The following CEP85L variants were observed in gnomAD, a reference collection of about 807,000 sequenced individuals.
CEP85L encodes the protein centrosomal protein 85L.
In CEP85L, 60 loss-of-function variants were observed where a neutral mutation model predicts 100.3. That is an observed-to-expected ratio of 0.60 (90% CI 0.49 to 0.74). The LOEUF (loss-of-function observed/expected upper bound fraction) is 0.74. CEP85L is among the 30% of genes least tolerant of loss of function. The pLI is 0.00. For synonymous variants in CEP85L, 319 were observed against 322.7 expected (o/e 0.99, Z 0.12); for missense variants, 973 against 936.2 (o/e 1.04, Z -0.51).
chr6:118,536,032 T>C (rs1777569777), intron 3 of CEP85L, among the ~76,000 whole-genome samples: 1 of 152,120 alleles, frequency 6.6e-6, no homozygotes, highest in South Asian at 2.1e-4. Context: ...AGGTAAATGT[T>C]TACATATCTC....
At chr6:118,651,634 C>T (rs1775570641), upstream of CEP85L, 1 of 975,676 alleles carries the variant, frequency 1.0e-6, no homozygotes, top group Non-Finnish European at 1.2e-6. Context: ...GCTGGGGCCG[C>T]GAGGGGGCGG....
chr6:118,681,322 C>A (rs974777514), intron 1 of CEP85L, among the ~76,000 whole-genome samples: 1 of 151,994 alleles, frequency 6.6e-6, no homozygotes, highest in African/African-American at 2.4e-5. Context: ...TTCTCTGGCT[C>A]ATATATAGAA....
Position 118,511,271 on chromosome 6 carries a change from C to G in CEP85L, c.1257+27G>C, listed in dbSNP as rs1358253894. ...ATTAACACAAGCTTTACTACTAAAA[C>G]AGCTACAAAATCCTCTGTAATCTTA... On this transcript the variant is annotated intron_variant, in intron 5 of 12. Transcript: ENST00000368491. 3 of 1,409,252 alleles carry G rather than the reference C, an allele frequency of 2.1e-6. No homozygotes were observed. The East Asian group carries it at 6.8e-5, about 32-fold the overall frequency. The allele number at this position is 1,409,252 out of a possible 1,614,324, so 87.3% of individuals were successfully genotyped here. A position where few individuals can be genotyped will look rare whatever the true frequency, so the allele number is the denominator to read the frequency against.
chr6:118,489,305 T>C (rs1233328824), intron 6 of CEP85L, among the ~76,000 whole-genome samples: 1 of 151,600 alleles, frequency 6.6e-6, no homozygotes, highest in East Asian at 1.9e-4. Context: ...GATAAAGATT[T>C]TCCCACACAA....
In CEP85L at chr6:118,602,982, A is replaced by C. The variant is rs117971946; in HGVS notation, c.232+29471T>G. ...ATTACAGGTACCAACCACCAAGTCC[A>C]ACTAATTTTTTGTATTTTTAGTAGA... On this transcript the variant is annotated intron_variant, in intron 2 of 12. Transcript: ENST00000368491. Among the ~76,000 whole-genome samples, 227 of 152,188 alleles carry C rather than the reference A, an allele frequency of 1.5e-3. 1 individual carries two copies. The highest frequency in any genetic ancestry group is 2.6e-3 in the Non-Finnish European group (174 of 67,998).
At chr6:118,511,581 A>G (rs1775974283) in intron 4 of CEP85L, among the ~76,000 whole-genome samples, 166 bp from the exon 5 acceptor site, 1 of 152,154 alleles carries the variant, frequency 6.6e-6, no homozygotes. Flanking sequence ...CAAGTTATTT[A>G]ATTTCTGTAA....
intron 3 of CEP85L, among the ~76,000 whole-genome samples, chr6:118,557,320 T>A (rs1463105157): frequency 1.3e-5 from 2 of 152,210 alleles, no homozygotes; most frequent in East Asian, 3.8e-4. Context: ...TCAAACCAAT[T>A]ACATCTACAG....
intron 2 of CEP85L, among the ~76,000 whole-genome samples, chr6:118,569,628 T>C (rs1779766790): frequency 6.6e-6 from 1 of 151,878 alleles, no homozygotes; most frequent in South Asian, 2.1e-4. Flanking sequence ...ACAGTGAGAA[T>C]TAAATCAAAA....
At chr6:118,678,415 CTTCA>C (rs1394157599) in intron 1 of CEP85L, among the ~76,000 whole-genome samples, 2 of 152,170 alleles carry the variant, frequency 1.3e-5, no homozygotes, top group Non-Finnish European at 2.9e-5. Flanking sequence ...AGAATAAGTC[CTTCA>C]TTCCCAAAGG....
At chr6:118,596,829 T>A (rs899925859) in intron 2 of CEP85L, among the ~76,000 whole-genome samples, 1 of 152,190 alleles carries the variant, frequency 6.6e-6, no homozygotes, top group Non-Finnish European at 1.5e-5. Flanking sequence ...TTCCTTCTTA[T>A]TTTTATCCAC....
chr6:118,561,187 A>T (rs1008803787), intron 3 of CEP85L, among the ~76,000 whole-genome samples: 1 of 152,198 alleles, frequency 6.6e-6, no homozygotes, highest in Non-Finnish European at 1.5e-5. Flanking sequence ...CAAGCTGGAA[A>T]TTCCTAAAAA....
chr6:118,466,051 G>GAGA (rs1471359401), intron 12 of CEP85L, among the ~76,000 whole-genome samples: 2 of 151,608 alleles, frequency 1.3e-5, no homozygotes, highest in Non-Finnish European at 2.9e-5. Flanking sequence ...GAGGGAAAAT[G>GAGA]AGAGAGACAG....
intron 1 of CEP85L, among the ~76,000 whole-genome samples, chr6:118,695,332 G>A (rs1465126216): frequency 6.6e-6 from 1 of 152,142 alleles, no homozygotes; most frequent in African/African-American, 2.4e-5. Flanking sequence ...AAGTAACAAT[G>A]AGTCACCAAC....
chr6:118,533,698 CTT>C (rs1323403226), intron 3 of CEP85L, among the ~76,000 whole-genome samples: 1 of 152,144 alleles, frequency 6.6e-6, no homozygotes, highest in African/African-American at 2.4e-5. Flanking sequence ...ATACAAAAAA[CTT>C]TAACAAAATC....
At chr6:118,491,177 T>C (rs1384765499) in intron 6 of CEP85L, among the ~76,000 whole-genome samples, 10 of 146,504 alleles carry the variant, frequency 6.8e-5, no homozygotes, top group African/African-American at 2.5e-4. Flanking sequence ...CATTCCCTTC[T>C]ATTTCATACC....
At chr6:118,576,632 C>T (rs1407468259) in intron 2 of CEP85L, among the ~76,000 whole-genome samples, 1 of 152,116 alleles carries the variant, frequency 6.6e-6, no homozygotes. Flanking sequence ...GTTAATACTC[C>T]TGTGTCTTGC....
chr6:118,545,708 T>C (rs1778161524), intron 3 of CEP85L, among the ~76,000 whole-genome samples: 1 of 152,190 alleles, frequency 6.6e-6, no homozygotes, highest in Non-Finnish European at 1.5e-5. Flanking sequence ...TAAATTTCAT[T>C]TAGAGCTTAG....
intron 2 of CEP85L, among the ~76,000 whole-genome samples, chr6:118,569,980 T>C (rs571593526): frequency 2.6e-5 from 4 of 152,332 alleles, no homozygotes; most frequent in South Asian, 4.1e-4. Flanking sequence ...CAAACTGTTA[T>C]AGTCTTTGAA....
At chr6:118,507,276 CCATTT>C (rs1427584135) in intron 5 of CEP85L, among the ~76,000 whole-genome samples, 1 of 152,142 alleles carries the variant, frequency 6.6e-6, no homozygotes, top group African/African-American at 2.4e-5. Context: ...TAAATCTGGC[CCATTT>C]TACCATGGCT....
Sources: allele counts gnomAD v4.1 joint callset (sites outside exome capture counted in the v4.1 genomes callset), GRCh38; gene constraint gnomAD v4.1.1; transcripts MANE v1.5; gene names NCBI Gene and HGNC (gene_info 2026-07-23, HGNC 2026-07-21).